Variants in TLCD3B observed in about 807,000 individuals in gnomAD.
TLCD3B encodes ceramide synthase.
TLCD3B carries 9 observed loss-of-function variants against 23.0 expected under a neutral mutation model. The observed-to-expected ratio is 0.39, with a 90% CI of 0.24 to 0.68. TLCD3B has a LOEUF of 0.68. Among genes scored for constraint, TLCD3B ranks in the 30% least tolerant of loss-of-function variants. The pLI is 0.44. For missense variants in TLCD3B, 307 were observed against 371.8 expected, an observed-to-expected ratio of 0.83 and a Z score of 1.43; for synonymous variants, 161 against 161.0, an observed-to-expected ratio of 1.00 and a Z score of 0.00.
intron 3 of TLCD3B, among the ~76,000 whole-genome samples, chr16:30,038,757 C>A (rs75363715): frequency 1.1e-4 from 16 of 144,460 alleles, no homozygotes; most frequent in Admixed American, 3.5e-4. Flanking sequence ...GACTCTGTCT[C>A]AAAAAAAAAA....
rs2071072168 is a variant in TLCD3B, at chr16:30,025,367, G to A, written c.641C>T (p.Ala214Val). ...GGGCAGGCCGGCATGGCGCCCGTAG[G>A]CCCAGTACAGGTAGGGAAAGAGCAG... ...RVLLFPYLYW[A>V]YGRHAGLPLL... The change falls in exon 5 of 5, where the codon GCC becomes GTC. Residue 214 changes from alanine to valine, a missense_variant. By Grantham distance (64) the Ala-to-Val change is moderately conservative (BLOSUM62 0). Coordinates refer to ENST00000380495, the MANE Select transcript of TLCD3B (RefSeq NM_031478.6). This position sits in a 1 kb window ranked among gnomAD's most constrained non-coding sequence, Gnocchi z 4.1. 1.6e-5 allele frequency: 25 copies of A among 1,605,172 alleles called. No individual in the cohort carries two copies. Among genetic ancestry groups the A allele is most frequent in the Non-Finnish European group, 2.1e-5 (25 of 1,175,956 alleles).
At position 30,029,329 on chromosome 16, in the gene TLCD3B, G is replaced by A. The variant is rs74769075; in HGVS notation, c.209+103C>T. 5.9e-5 allele frequency: 60 copies of A among 1,015,128 alleles called. No homozygotes were observed. In the East Asian group the frequency reaches 1.5e-3, roughly 25 times the overall value. The allele number at this position is 1,015,128 out of a possible 1,614,324, so 62.9% of individuals were successfully genotyped here. ...TTGCTCAGGCCCAAGTTAAGGGCTTGGGGACCACAGACAGAGTTCCCTCCA... is the reference window on the plus strand; with the variant it reads ...TTGCTCAGGCCCAAGTTAAGGGCTTAGGGACCACAGACAGAGTTCCCTCCA... On this transcript the variant is annotated intron_variant, in intron 2 of 4. Transcript: ENST00000380495. The surrounding 1 kb of genome is among the most constrained non-coding windows in gnomAD (Gnocchi z 4.6).
chr16:30,052,351 A>G (rs2071773862), intron 1 of TLCD3B, among the ~76,000 whole-genome samples: 2 of 151,416 alleles, frequency 1.3e-5, no homozygotes, highest in African/African-American at 4.9e-5. Context: ...CTGGGAGATG[A>G]GCGAAAATCT....
In TLCD3B at chr16:30,030,523, A is replaced by G; in HGVS notation, c.5T>C (p.Leu2Pro). The change falls in exon 1 of 5, where the codon CTG (leucine) becomes CCG (proline). Residue 2 changes from leucine to proline, a missense_variant. By Grantham distance (98) the Leu-to-Pro change is moderately conservative. Transcript: ENST00000380495. ...CACCCCCCCGGCCACCATCGGGGTC[A>G]GCATGGTGGCTCAGGACTTGGGCAG... is the stretch of plus-strand genomic sequence containing the variant. The part of the protein sequence containing the change: M[L>P]TPMVAGGVVF... 1 of 1,580,602 alleles carries G rather than the reference A, an allele frequency of 6.3e-7. No homozygotes were observed. Among genetic ancestry groups the G allele is most frequent in the Non-Finnish European group, 8.6e-7 (1 of 1,167,784 alleles).
At chr16:30,034,331 C>T (rs1319995011), upstream of TLCD3B, among the ~76,000 whole-genome samples, 1 of 142,442 alleles carries the variant, frequency 7.0e-6, no homozygotes, top group Admixed American at 7.4e-5. Flanking sequence ...CCCAGCACTT[C>T]GGAGGCTGAG....
At chr16:30,050,525 G>A (rs1045732895) in intron 1 of TLCD3B, among the ~76,000 whole-genome samples, 6 of 152,118 alleles carry the variant, frequency 3.9e-5, no homozygotes, top group Non-Finnish European at 5.9e-5. Context: ...CTGGGCTACC[G>A]AGTGAGACTC....
At chr16:30,028,907 G>A (rs1469107503) in intron 2 of TLCD3B, among the ~76,000 whole-genome samples, 1 of 152,226 alleles carries the variant, frequency 6.6e-6, no homozygotes, top group Non-Finnish European at 1.5e-5. Flanking sequence ...ACCAGACACT[G>A]CAGCAGCTGC....
chr16:30,036,733 G>A (rs2071481491), intron 3 of TLCD3B, among the ~76,000 whole-genome samples: 1 of 152,192 alleles, frequency 6.6e-6, no homozygotes, highest in Admixed American at 6.5e-5. Flanking sequence ...TTGGTGACTT[G>A]ATGGACAGCT....
At chr16:30,051,259 C>T (rs991926299) in intron 1 of TLCD3B, among the ~76,000 whole-genome samples, 3 of 151,770 alleles carry the variant, frequency 2.0e-5, no homozygotes, top group South Asian at 2.1e-4. Flanking sequence ...ACAGGCCAGG[C>T]GCAGTGGCTC....
At chr16:30,048,153 A>G (rs560842859) in intron 1 of TLCD3B, among the ~76,000 whole-genome samples, 2 of 151,676 alleles carry the variant, frequency 1.3e-5, no homozygotes, top group East Asian at 3.9e-4. Flanking sequence ...CAAAAGAAAA[A>G]AAAAAAACCA....
upstream of TLCD3B, among the ~76,000 whole-genome samples, chr16:30,035,766 C>CTTTTTTTT (rs34249003): frequency 7.3e-6 from 1 of 137,180 alleles, no homozygotes; most frequent in African/African-American, 2.7e-5. Flanking sequence ...TTTCTTTTTT[C>CTTTTTTTT]TTTTTTTTTT....
chr16:30,025,547 C>G lies in TLCD3B; in HGVS notation c.541-80G>C. The G allele has an allele frequency of 1.3e-6, 2 of 1,572,112 alleles. No homozygotes were observed. The highest frequency in any genetic ancestry group is 8.7e-7 in the Non-Finnish European group (1 of 1,147,692). On this transcript the variant is annotated intron_variant, in intron 4 of 4. Coordinates refer to ENST00000380495, the MANE Select transcript of TLCD3B (RefSeq NM_031478.6). The surrounding 1 kb of genome is among the most constrained non-coding windows in gnomAD (Gnocchi z 4.1). ...GCCCTCTCCCTGCCTCCCTGCGACC[C>G]TAGCAGGCAGCTCCTCCCAAACCAG...
At chr16:30,026,997 C>A (rs891959285) in intron 2 of TLCD3B, 154 bp from the exon 3 acceptor site, 29 of 709,958 alleles carry the variant, frequency 4.1e-5, no homozygotes, top group Non-Finnish European at 5.1e-5. Flanking sequence ...GAAACTTGCC[C>A]AAGGTCACAC....
At chr16:30,046,499 C>T (rs113613729) in intron 1 of TLCD3B, 1,761 of 152,326 alleles carry the variant, frequency 0.012, 24 homozygotes, top group African/African-American at 0.04. Flanking sequence ...CGATTCCCCC[C>T]GCCTGGGCTC....
rs116560024 is a variant in TLCD3B, at chr16:30,026,599, C to T, written c.444+10G>A. On this transcript the variant is annotated intron_variant, in intron 3 of 4. Transcript: ENST00000380495. ...CCCGCACCCCGCCCGCCCAGCTCCC[C>T]GGGACTCACCACTGAGAGTGGGAAG... is the stretch of plus-strand genomic sequence containing the variant. The T allele has an allele frequency of 3.2e-3, 5,124 of 1,610,956 alleles. 138 individuals carry two copies. In the African/African-American group the frequency reaches 0.057, roughly 18 times the overall value.
Position 30,025,788 on chromosome 16 carries a change from C to T in TLCD3B, c.478G>A (p.Gly160Ser). The T allele has an allele frequency of 1.2e-6, 2 of 1,614,100 alleles. No individual in the cohort carries two copies. The highest frequency in any genetic ancestry group is 1.7e-6 in the Non-Finnish European group (2 of 1,180,022). The change falls in exon 4 of 5, where the codon GGT (glycine) becomes AGT (serine). Residue 160 changes from glycine to serine, a missense_variant. Gly to Ser is a moderately conservative substitution (Grantham distance 56). Transcript: ENST00000380495. The surrounding 1 kb of genome is among the most constrained non-coding windows in gnomAD (Gnocchi z 4.1). Reference sequence around the variant, plus strand: ...CTGACCTCTGCCATCAACATGCAACCCAGAAAGAAGTCTCCCTTACCCTGT... The same window carrying T: ...CTGACCTCTGCCATCAACATGCAACTCAGAAAGAAGTCTCCCTTACCCTGT... ...WRQGKGDFFLGCMLMAEVSTP... is the reference protein window; with the variant it reads ...WRQGKGDFFLSCMLMAEVSTP...
chr16:30,030,149 G>C, intron 1 of TLCD3B: 1 of 1,485,594 alleles, frequency 6.7e-7, no homozygotes, highest in Non-Finnish European at 9.1e-7. Flanking sequence ...GTTTTGGAGG[G>C]TGGGAGGGTG....
Position 30,024,765 on chromosome 16 carries a change from A to C in TLCD3B, c.*418T>G. On this transcript the variant is annotated 3_prime_UTR_variant, in exon 5 of 5. Coordinates refer to ENST00000380495, the MANE Select transcript of TLCD3B (RefSeq NM_031478.6). The stretch of plus-strand genomic sequence containing the variant: ...CGGCCACTCGGGAGGCCCGAGGGCC[A>C]GCGGGGGTTAGTTGGGGCGTCCTCT... The C allele has an allele frequency of 5.1e-6, 1 of 195,698 alleles. No homozygotes were observed. The highest frequency in any genetic ancestry group is 1.0e-5 in the Non-Finnish European group (1 of 97,924). 12.1% of individuals were successfully genotyped at this position (195,698 alleles called of 1,614,324 possible). A position where few individuals can be genotyped will look rare whatever the true frequency, so the allele number is the denominator to read the frequency against.
At chr16:30,043,252 C>A (rs1227412501) in intron 2 of TLCD3B, among the ~76,000 whole-genome samples, 1 of 152,052 alleles carries the variant, frequency 6.6e-6, no homozygotes. Flanking sequence ...GAGACGGGGT[C>A]TCTCATTTTG....
Sources: allele counts gnomAD v4.1 joint callset (sites outside exome capture counted in the v4.1 genomes callset), GRCh38; gene constraint gnomAD v4.1.1; non-coding constraint Gnocchi (gnomAD v3.1); transcripts MANE v1.5; gene names NCBI Gene and HGNC (gene_info 2026-07-23, HGNC 2026-07-21).